VPS8: variants seen among roughly 807,000 people sequenced by gnomAD.
VPS8 encodes vacuolar protein sorting-associated protein 8 homolog.
In VPS8, 129 loss-of-function variants were observed where a neutral mutation model predicts 216.4. That is an observed-to-expected ratio of 0.60 (90% CI 0.52 to 0.69). The LOEUF is 0.69. VPS8 is among the 30% of genes least tolerant of loss of function. The probability of loss-of-function intolerance (pLI) is 0.00; values close to 1 mark genes in which losing one functional copy is unlikely to be tolerated. For synonymous variants in VPS8, 571 were observed against 565.4 expected (o/e 1.01, Z -0.14); for missense variants, 1,531 against 1,683.5 (o/e 0.91, Z 1.59).
chr3:184,894,508 G>GTATATATACATATA (rs779876259), intron 22 of VPS8, among the ~76,000 whole-genome samples, 195 bp from the exon 23 acceptor site: 3 of 133,128 alleles, frequency 2.3e-5, no homozygotes, highest in Admixed American at 1.5e-4. Flanking sequence ...ATATACACAC[G>GTATATATACATATA]TATATATATA....
Position 184,923,396 on chromosome 3 carries a change from C to G in VPS8, c.2455-1466C>G, listed in dbSNP as rs193055644. 4.6e-5 allele frequency among the ~76,000 whole-genome samples: 7 copies of G among 152,306 alleles called. No individual in the cohort carries two copies. In the East Asian group the frequency reaches 7.7e-4, roughly 17 times the overall value. ...ACATAGGAATACTTGTCCTGTCCCC[C>G]CTGTCTCTGCCTCTTTCCATTTTCA... is the stretch of plus-strand genomic sequence containing the variant. On this transcript the variant is annotated intron_variant, in intron 29 of 47. Transcript: ENST00000625842.
intron 45 of VPS8, among the ~76,000 whole-genome samples, chr3:185,019,682 G>A (rs545254283): frequency 1.3e-5 from 2 of 152,138 alleles, no homozygotes; most frequent in Admixed American, 1.3e-4. Context: ...CCTCATTCTG[G>A]TAAACCCACA....
chr3:184,859,054 A>AT (rs1342589587), intron 14 of VPS8, among the ~76,000 whole-genome samples: 2 of 152,074 alleles, frequency 1.3e-5, no homozygotes, highest in Non-Finnish European at 2.9e-5. Context: ...CTCAACTTTA[A>AT]TTTTTCAGTC....
Position 184,957,322 on chromosome 3 carries a change from G to T in VPS8, c.3036-52G>T, listed in dbSNP as rs905966579. On this transcript the variant is annotated intron_variant, in intron 36 of 47. Coordinates refer to ENST00000625842, the MANE Select transcript of VPS8 (RefSeq NM_001009921.3). ...TTACTGGTAGCTTTTAATTATAGATGTGATTAAATAATGCTACAATTGAGT... is the reference window on the plus strand; with the variant it reads ...TTACTGGTAGCTTTTAATTATAGATTTGATTAAATAATGCTACAATTGAGT... 7.8e-6 allele frequency: 12 copies of T among 1,537,108 alleles called. No homozygotes were observed. In the African/African-American group the frequency reaches 1.6e-4, roughly 21 times the overall value.
intron 21 of VPS8, among the ~76,000 whole-genome samples, chr3:184,884,514 T>C (rs1427127120): frequency 6.6e-6 from 1 of 152,224 alleles, no homozygotes; most frequent in Non-Finnish European, 1.5e-5. Flanking sequence ...CAGCTCTACC[T>C]GTAGACAGGG....
chr3:184,988,174 T>C (rs1751394982), intron 42 of VPS8, among the ~76,000 whole-genome samples: 1 of 152,218 alleles, frequency 6.6e-6, no homozygotes, highest in Non-Finnish European at 1.5e-5. Context: ...TTTAATGAAG[T>C]CTAGTTTATT....
chr3:184,973,326 A>G (rs1299082456), intron 40 of VPS8, among the ~76,000 whole-genome samples: 1 of 152,198 alleles, frequency 6.6e-6, no homozygotes, highest in African/African-American at 2.4e-5. Context: ...AAATTGCATT[A>G]AATAATGCTT....
chr3:185,024,668 A>G (rs1202021510), intron 46 of VPS8, among the ~76,000 whole-genome samples: 1 of 152,206 alleles, frequency 6.6e-6, no homozygotes, highest in Non-Finnish European at 1.5e-5. Flanking sequence ...GTAGTAGGTG[A>G]AAGATATTCA....
chr3:184,964,399 C>A, intron 37 of VPS8, 69 bp from the exon 38 acceptor site: 1 of 962,210 alleles, frequency 1.0e-6, no homozygotes, highest in Non-Finnish European at 1.4e-6. Context: ...TTTTTTCATC[C>A]TCAATGGGAT....
intron 39 of VPS8, among the ~76,000 whole-genome samples, chr3:184,967,124 A>G (rs547573599): frequency 6.6e-6 from 1 of 152,090 alleles, no homozygotes; most frequent in African/African-American, 2.4e-5. Flanking sequence ...ATGCCATCAC[A>G]TTGGCTAATT....
chr3:184,826,085 T>C, intron 2 of VPS8, 78 bp from the exon 3 acceptor site: 1 of 1,028,824 alleles, frequency 9.7e-7, no homozygotes, highest in African/African-American at 1.6e-5. Context: ...TTGATGGTGG[T>C]TTTAATCAAC....
At chr3:184,947,553 T>C (rs1383091267) in intron 36 of VPS8, among the ~76,000 whole-genome samples, 1 of 151,814 alleles carries the variant, frequency 6.6e-6, no homozygotes, top group Non-Finnish European at 1.5e-5. Flanking sequence ...GGGCAGGTTT[T>C]TTTTTTTTTA....
chr3:184,906,481 G>C (rs534816330), intron 25 of VPS8, among the ~76,000 whole-genome samples: 1 of 151,888 alleles, frequency 6.6e-6, no homozygotes, highest in Non-Finnish European at 1.5e-5. Context: ...GTGTAAGTCT[G>C]TCGAAATGAA....
At chr3:184,943,721 G>A (rs931771745) in intron 36 of VPS8, among the ~76,000 whole-genome samples, 9 of 152,200 alleles carry the variant, frequency 5.9e-5, no homozygotes, top group African/African-American at 1.9e-4. Flanking sequence ...TATCATCTCA[G>A]TGTTGCTTTT....
At chr3:184,896,553 T>C (rs1733515948) in intron 23 of VPS8, among the ~76,000 whole-genome samples, 2 of 152,190 alleles carry the variant, frequency 1.3e-5, no homozygotes, top group African/African-American at 2.4e-5. Context: ...TCTTCAATCT[T>C]ACTTTTACTA....
chr3:184,993,121 A>G (rs1187054757), intron 42 of VPS8, among the ~76,000 whole-genome samples: 1 of 152,144 alleles, frequency 6.6e-6, no homozygotes, highest in Non-Finnish European at 1.5e-5. Flanking sequence ...AAAAAGAAAT[A>G]TTTGCTGGTA....
chr3:184,978,789 C>T (rs1408782986), intron 40 of VPS8, among the ~76,000 whole-genome samples: 2 of 152,082 alleles, frequency 1.3e-5, no homozygotes, highest in African/African-American at 2.4e-5. Context: ...TCTGTTTTTT[C>T]TTGTCTCAAT....
intron 40 of VPS8, among the ~76,000 whole-genome samples, chr3:184,977,371 A>C (rs147011416): frequency 3.9e-5 from 6 of 152,142 alleles, no homozygotes; most frequent in African/African-American, 1.4e-4. Context: ...TGTCAGATGC[A>C]TAGTTTGTGA....
chr3:184,900,222 T>C (rs1578149465), intron 24 of VPS8, among the ~76,000 whole-genome samples: 1 of 152,212 alleles, frequency 6.6e-6, no homozygotes, highest in East Asian at 1.9e-4. Context: ...TTGAATTCAC[T>C]GACAATATAC....
Sources: gnomAD v4.1 joint callset for allele counts (sites outside exome capture counted in the v4.1 genomes callset) on GRCh38, gnomAD v4.1.1 for gene constraint, MANE v1.5 for transcripts, NCBI Gene and HGNC (gene_info 2026-07-23, HGNC 2026-07-21) for gene names.